Variants in BRAF observed in about 807,000 individuals in gnomAD.
BRAF encodes serine/threonine-protein kinase B-raf.
In BRAF, 16 loss-of-function variants were observed where a neutral mutation model predicts 104.6. That is an observed-to-expected ratio of 0.15 (90% CI 0.10 to 0.23). BRAF has a LOEUF of 0.23. Ranked by LOEUF, BRAF falls within the 10% of genes least tolerant of loss-of-function variation. The pLI is 1.00. For missense variants in BRAF, 541 were observed against 937.3 expected (o/e 0.58, Z 5.52); for synonymous variants, 310 against 341.6 (o/e 0.91, Z 1.02).
intron 2 of BRAF, among the ~76,000 whole-genome samples, chr7:140,838,725 T>C (rs552115339): frequency 3.9e-5 from 6 of 152,232 alleles, no homozygotes; most frequent in East Asian, 1.9e-4. Flanking sequence ...TATAAAACTA[T>C]AGTAATCAAG....
intron 3 of BRAF, among the ~76,000 whole-genome samples, chr7:140,810,986 C>T (rs573684394): frequency 2.0e-5 from 3 of 152,276 alleles, no homozygotes; most frequent in Admixed American, 1.3e-4. Context: ...ATAGTGCTCA[C>T]GTGCTGTTTA....
chr7:140,735,288 G>C (rs908997760), intron 18 of BRAF, among the ~76,000 whole-genome samples: 1 of 152,200 alleles, frequency 6.6e-6, no homozygotes, highest in Non-Finnish European at 1.5e-5. Context: ...GACCCAGAGT[G>C]CTAGTAGCAC....
At position 140,808,838 on chromosome 7, in the gene BRAF, T is replaced by C. The variant is rs965883730; in HGVS notation, c.608+54A>G. 11 of 1,439,948 alleles carry C rather than the reference T, an allele frequency of 7.6e-6. No homozygotes were observed. The Admixed American group carries it at 1.7e-4, about 22-fold the overall frequency. The allele number at this position is 1,439,948 out of a possible 1,614,324, so 89.2% of individuals were successfully genotyped here. ...TAAAGATCCTAAGAAAACTTCAAAG[T>C]TTAATGTGTGATTTTCTTTTTAAAC... On this transcript the variant is annotated intron_variant, in intron 4 of 19. Transcript: ENST00000644969.
intron 8 of BRAF, among the ~76,000 whole-genome samples, chr7:140,790,673 T>C (rs1801858472): frequency 6.6e-6 from 1 of 152,224 alleles, no homozygotes; most frequent in South Asian, 2.1e-4. Flanking sequence ...CTTTAATTCT[T>C]CACAGTCTCT....
chr7:140,867,261 T>C (rs1264274006), intron 1 of BRAF, among the ~76,000 whole-genome samples: 1 of 152,214 alleles, frequency 6.6e-6, no homozygotes, highest in Non-Finnish European at 1.5e-5. Context: ...ATATATTGCA[T>C]GGTCTATGTC....
At chr7:140,836,541 A>C (rs1807360110) in intron 2 of BRAF, among the ~76,000 whole-genome samples, 1 of 152,198 alleles carries the variant, frequency 6.6e-6, no homozygotes. Flanking sequence ...AAACTTCATC[A>C]AAAGGTCTTC....
intron 2 of BRAF, among the ~76,000 whole-genome samples, chr7:140,847,088 A>C (rs2129071450): frequency 1.3e-5 from 2 of 152,116 alleles, no homozygotes; most frequent in South Asian, 4.2e-4. Context: ...CCAGGAGAGG[A>C]GGCTGCAGTG....
At chr7:140,797,063 C>T (rs1238213011) in intron 7 of BRAF, among the ~76,000 whole-genome samples, 1 of 152,046 alleles carries the variant, frequency 6.6e-6, no homozygotes, top group Non-Finnish European at 1.5e-5. Flanking sequence ...GTAACTTATA[C>T]CCTATGAAGT....
At position 140,719,382 on chromosome 7, in the gene BRAF, C is replaced by T; in HGVS notation, c.*7112G>A. 1 of 1,006,454 alleles carries T rather than the reference C, an allele frequency of 9.9e-7. No homozygotes were observed. Among genetic ancestry groups the T allele is most frequent in the African/African-American group, 1.7e-5 (1 of 58,542 alleles). 62.3% of individuals were successfully genotyped at this position (1,006,454 alleles called of 1,614,324 possible). ...TATAGCAGTATTCGCATATTCACAT[C>T]AAGTACATAGAACTTTTTTTGCCTT... On this transcript the variant is annotated 3_prime_UTR_variant, in exon 20 of 20. Transcript: ENST00000644969.
At chr7:140,759,815 C>A (rs1562944710) in intron 14 of BRAF, among the ~76,000 whole-genome samples, 1 of 152,210 alleles carries the variant, frequency 6.6e-6, no homozygotes, top group Non-Finnish European at 1.5e-5. Flanking sequence ...GTGTTTCTCA[C>A]ACTTTAATAT....
At chr7:140,892,665 G>C (rs761872212) in intron 1 of BRAF, among the ~76,000 whole-genome samples, 9 of 152,192 alleles carry the variant, frequency 5.9e-5, no homozygotes, top group Non-Finnish European at 1.0e-4. Flanking sequence ...GGCAGGGGTA[G>C]AGAGGTAGGA....
At chr7:140,794,864 G>T (rs1213896253) in intron 7 of BRAF, among the ~76,000 whole-genome samples, 1 of 152,102 alleles carries the variant, frequency 6.6e-6, no homozygotes, top group Non-Finnish European at 1.5e-5. Context: ...TTACTAAAAT[G>T]AAAATTTTAC....
At chr7:140,764,986 A>G (rs1303046268) in intron 14 of BRAF, among the ~76,000 whole-genome samples, 2 of 152,310 alleles carry the variant, frequency 1.3e-5, no homozygotes, top group East Asian at 1.9e-4. Context: ...AGCCCGCATC[A>G]CCAAGGCAAT....
intron 12 of BRAF, chr7:140,781,352 T>A (rs1800852666): frequency 1.8e-6 from 1 of 546,532 alleles, no homozygotes; most frequent in African/African-American, 1.9e-5. Context: ...AATTCCCCTT[T>A]AAAAATTATT....
intron 1 of BRAF, among the ~76,000 whole-genome samples, chr7:140,879,460 G>A (rs761491193): frequency 2.0e-5 from 3 of 150,332 alleles, no homozygotes; most frequent in African/African-American, 4.9e-5. Context: ...GATTACAGAC[G>A]TGAGCCACTG....
At position 140,902,534 on chromosome 7, in the gene BRAF, T is replaced by C. The variant is rs190088054; in HGVS notation, c.138+22032A>G. Among the ~76,000 whole-genome samples the C allele has an allele frequency of 1.2e-4, 18 of 152,342 alleles. No individual in the cohort carries two copies. The South Asian group carries it at 1.4e-3, about 12-fold the overall frequency. ...ATGATTAAGCTTAGTGAAGAAGGCA[T>C]GTTGAAAGGCAGGCCTCTTGTACCA... is the stretch of plus-strand genomic sequence containing the variant. On this transcript the variant is annotated intron_variant, in intron 1 of 19. Coordinates refer to ENST00000644969, the MANE Select transcript of BRAF (RefSeq NM_001374258.1).
intron 1 of BRAF, 148 bp from the exon 2 acceptor site, chr7:140,850,360 T>C (rs1809032034): frequency 1.7e-6 from 1 of 597,190 alleles, no homozygotes; most frequent in East Asian, 2.9e-5. Flanking sequence ...TTTTCTCTTT[T>C]ATTATGAAAC....
intron 1 of BRAF, among the ~76,000 whole-genome samples, chr7:140,923,227 T>C (rs1406374486): frequency 6.6e-6 from 1 of 152,072 alleles, no homozygotes; most frequent in East Asian, 1.9e-4. Context: ...TGAGATGTTA[T>C]GAGAATTGAG....
intron 2 of BRAF, among the ~76,000 whole-genome samples, chr7:140,844,659 C>A (rs187876212): frequency 6.2e-4 from 95 of 152,332 alleles, no homozygotes; most frequent in African/African-American, 2.3e-3. Flanking sequence ...AGCACAGTGG[C>A]TTGCACCTGT....
Sources: allele counts gnomAD v4.1 joint callset (sites outside exome capture counted in the v4.1 genomes callset), GRCh38; gene constraint gnomAD v4.1.1; transcripts MANE v1.5; gene names NCBI Gene and HGNC (gene_info 2026-07-23, HGNC 2026-07-21).